The following NBAS variants were observed in gnomAD, a reference collection of about 807,000 sequenced individuals.
NBAS encodes NBAS subunit of NRZ tethering complex, also known as NAG/BC035112 fusion.
Under a neutral mutation model 302.5 loss-of-function variants are expected in NBAS, and 219 were observed. The observed-to-expected ratio is 0.72, with a 90% confidence interval of 0.65 to 0.81. NBAS has a LOEUF of 0.81. Among genes scored for constraint, NBAS ranks in the 30% least tolerant of loss-of-function variants. The pLI, the probability that NBAS is intolerant of heterozygous loss-of-function variation, is 0.00. For missense variants in NBAS, 2,932 were observed against 2,841.6 expected, an observed-to-expected ratio of 1.03 and a Z score of -0.72; for synonymous variants, 1,118 against 1,021.6, an observed-to-expected ratio of 1.09 and a Z score of -1.80.
In NBAS at chr2:15,331,542, T is replaced by C. The variant is rs116662893; in HGVS notation, c.4180-777A>G. Reference sequence around the variant, plus strand: ...GTTAAACAGAAGAAAACCTTAAGGCTTAGTTTATCAATACCAATAGCTTGT... The same window carrying C: ...GTTAAACAGAAGAAAACCTTAAGGCCTAGTTTATCAATACCAATAGCTTGT... On this transcript the variant is annotated intron_variant, in intron 35 of 51. Coordinates refer to ENST00000281513, the MANE Select transcript of NBAS (RefSeq NM_015909.4). Among the ~76,000 whole-genome samples, 379 of 152,344 alleles carry C rather than the reference T, an allele frequency of 2.5e-3. 3 individuals carry two copies. Among genetic ancestry groups the C allele is most frequent in the African/African-American group, 8.6e-3 (359 of 41,576 alleles).
rs182955418 is a variant in NBAS, at chr2:15,330,268, C to T, written c.4347+330G>A. Among the ~76,000 whole-genome samples the T allele has an allele frequency of 2.1e-4, 32 of 152,262 alleles. 1 individual carries two copies. The East Asian group carries it at 2.1e-3, about 10-fold the overall frequency. ...TTCCTGAGAGCCCCCAGTCTGCCTC[C>T]GAGCACTCTTCCTCAACTACCAGTC... is the stretch of plus-strand genomic sequence containing the variant. On this transcript the variant is annotated intron_variant, in intron 36 of 51. Transcript: ENST00000281513.
chr2:15,501,676 G>C (rs936025712), intron 11 of NBAS, among the ~76,000 whole-genome samples: 1 of 140,092 alleles, frequency 7.1e-6, no homozygotes, highest in Non-Finnish European at 1.5e-5. Flanking sequence ...TGCAAGCTCC[G>C]CCTCCCGGTT....
intron 23 of NBAS, 67 bp from the exon 24 acceptor site, chr2:15,417,779 T>C: frequency 6.9e-7 from 1 of 1,439,518 alleles, no homozygotes; most frequent in Non-Finnish European, 9.6e-7. Context: ...AAAGTAAAAG[T>C]CTCCAGTACA....
At chr2:15,384,175 T>C (rs1675177105) in intron 28 of NBAS, among the ~76,000 whole-genome samples, 1 of 152,202 alleles carries the variant, frequency 6.6e-6, no homozygotes, top group Admixed American at 6.5e-5. Flanking sequence ...AAAAACCACT[T>C]TATATTGATT....
intron 9 of NBAS, among the ~76,000 whole-genome samples, chr2:15,524,073 T>C (rs757165209): frequency 6.6e-6 from 1 of 152,240 alleles, no homozygotes; most frequent in African/African-American, 2.4e-5. Context: ...ATCATTTACA[T>C]CATCTTATTT....
chr2:15,480,961 C>A (rs1202458011), intron 12 of NBAS, among the ~76,000 whole-genome samples: 5 of 152,168 alleles, frequency 3.3e-5, no homozygotes, highest in African/African-American at 7.2e-5. Context: ...AACCACTAGC[C>A]CATTATGCAG....
chr2:15,087,223 A>AACACACACAC, the NBAS span, among the ~76,000 whole-genome samples: 116 of 143,290 alleles, frequency 8.1e-4, no homozygotes, highest in African/African-American at 2.6e-3. Flanking sequence ...TTTTTATACA[A>AACACACACAC]ACACACACAC....
the NBAS span, among the ~76,000 whole-genome samples, chr2:14,796,627 G>T: frequency 4.6e-5 from 7 of 152,062 alleles, no homozygotes; most frequent in African/African-American, 1.5e-4. Context: ...TGTCTGGGCA[G>T]ATAGAGGCGG....
chr2:15,034,242 A>G, the NBAS span, among the ~76,000 whole-genome samples: 9 of 87,436 alleles, frequency 1.0e-4, no homozygotes, highest in Middle Eastern at 4.8e-3. Flanking sequence ...GAAGGAAAGA[A>G]AGAAAGAAAG....
chr2:15,271,247 G>A (rs1669308374), intron 44 of NBAS, among the ~76,000 whole-genome samples: 1 of 152,058 alleles, frequency 6.6e-6, no homozygotes, highest in African/African-American at 2.4e-5. Context: ...ACCAAACAGT[G>A]GAGATCAAAA....
At chr2:14,875,136 C>T in the NBAS span, among the ~76,000 whole-genome samples, 9 of 151,948 alleles carry the variant, frequency 5.9e-5, no homozygotes, top group Middle Eastern at 3.4e-3. Flanking sequence ...GGATATTTGG[C>T]AGAAAAAGAA....
At chr2:15,059,901 T>G in the NBAS span, among the ~76,000 whole-genome samples, 2 of 150,280 alleles carry the variant, frequency 1.3e-5, no homozygotes, top group South Asian at 2.1e-4. Context: ...AAAGCATGTA[T>G]TTGTAGTCAT....
the NBAS span, among the ~76,000 whole-genome samples, chr2:14,815,794 C>G: frequency 6.6e-6 from 1 of 152,196 alleles, no homozygotes; most frequent in Non-Finnish European, 1.5e-5. Flanking sequence ...ATTCCTCACA[C>G]ACACCATCCC....
the NBAS span, among the ~76,000 whole-genome samples, chr2:14,922,923 T>C: frequency 6.6e-6 from 1 of 151,894 alleles, no homozygotes; most frequent in South Asian, 2.1e-4. Flanking sequence ...GAGGCCGAGG[T>C]GGGTGGATCA....
chr2:15,351,893 CA>C, intron 35 of NBAS, 98 bp downstream of exon 35: 2 of 808,156 alleles, frequency 2.5e-6, no homozygotes, highest in Non-Finnish European at 4.3e-6. Context: ...CACACACACA[CA>C]CACACACACA....
intron 44 of NBAS, among the ~76,000 whole-genome samples, chr2:15,257,450 T>C (rs1409863781): frequency 6.6e-6 from 1 of 151,088 alleles, no homozygotes; most frequent in African/African-American, 2.4e-5. Context: ...TGGAGTGCAG[T>C]GGCACAATCT....
chr2:15,371,775 G>T (rs1303413222), intron 31 of NBAS, among the ~76,000 whole-genome samples: 1 of 152,114 alleles, frequency 6.6e-6, no homozygotes, highest in African/African-American at 2.4e-5. Context: ...AAAGCAAAGG[G>T]GGGATGGAAA....
chr2:15,256,490 C>T (rs1205599279), intron 44 of NBAS, among the ~76,000 whole-genome samples: 1 of 152,134 alleles, frequency 6.6e-6, no homozygotes, highest in Admixed American at 6.5e-5. Context: ...TATCAATTGG[C>T]AAATAGTGGC....
chr2:15,138,524 T>C, the NBAS span, among the ~76,000 whole-genome samples: 1 of 152,142 alleles, frequency 6.6e-6, no homozygotes, highest in Non-Finnish European at 1.5e-5. Context: ...ACAATCCTTT[T>C]ATCCCGGGGA....
Sources: gnomAD v4.1 joint callset for allele counts (sites outside exome capture counted in the v4.1 genomes callset) on GRCh38, gnomAD v4.1.1 for gene constraint, MANE v1.5 for transcripts, NCBI Gene and HGNC (gene_info 2026-07-23, HGNC 2026-07-21) for gene names.